GPR108: variants seen among roughly 807,000 people sequenced by gnomAD.
GPR108 encodes the protein G protein-coupled receptor 108, also known as protein GPR108.
A neutral mutation model predicts 74.3 loss-of-function variants in GPR108; 60 were observed. That is an observed-to-expected ratio of 0.81 (90% CI 0.66 to 1.00). The LOEUF (loss-of-function observed/expected upper bound fraction) is 1.00, where lower values mean the gene tolerates loss of function less well. Among genes scored for constraint, GPR108 ranks in the 50% least tolerant of loss-of-function variants. The probability of loss-of-function intolerance (pLI) is 0.00; values close to 1 mark genes in which losing one functional copy is unlikely to be tolerated. For missense variants in GPR108, 667 were observed against 703.3 expected (o/e 0.95, Z 0.58); for synonymous variants, 311 against 292.4 (o/e 1.06, Z -0.65).
intron 10 of GPR108, 84 bp from the exon 11 acceptor site, chr19:6,732,633 C>T: frequency 9.6e-7 from 1 of 1,041,636 alleles, no homozygotes; most frequent in Admixed American, 1.9e-5. Flanking sequence ...GGAACACGGA[C>T]CGTCACCATC....
In GPR108 at chr19:6,731,492, A is replaced by T. The variant is rs776923442; in HGVS notation, c.1331T>A (p.Phe444Tyr). The change falls in exon 15 of 18, where the codon TTC (phenylalanine) becomes TAC (tyrosine). Residue 444 changes from phenylalanine (F) to tyrosine (Y), a missense_variant. By Grantham distance (22) the Phe-to-Tyr change is conservative. Coordinates refer to ENST00000264080, the MANE Select transcript of GPR108 (RefSeq NM_001080452.2). ...TCCTACCATGACATAGTAATGCCGG[A>T]ACAGCTTCAGCTTGGCCAGGTTCAC... ...VAVNLAKLKL[F>Y]RHYYVMVICY... 1 of 1,522,610 alleles carries T rather than the reference A, an allele frequency of 6.6e-7. No homozygotes were observed. Among genetic ancestry groups the T allele is most frequent in the East Asian group, 2.4e-5 (1 of 42,172 alleles). The allele number at this position is 1,522,610 out of a possible 1,614,324, so 94.3% of individuals were successfully genotyped here. A position where few individuals can be genotyped will look rare whatever the true frequency, so the allele number is the denominator to read the frequency against.
At chr19:6,731,167 G>A (rs762306157) in intron 16 of GPR108, 32 bp downstream of exon 16, 67 of 1,606,432 alleles carry the variant, frequency 4.2e-5, no homozygotes, top group Middle Eastern at 3.3e-4. Flanking sequence ...CACCGTGGCC[G>A]CCCTCCCGTC....
chr19:6,737,446 G>C lies in GPR108; in HGVS notation c.120+11C>G. The C allele has an allele frequency of 6.3e-7, 1 of 1,586,274 alleles. No individual in the cohort carries two copies. The highest frequency in any genetic ancestry group is 8.5e-7 in the Non-Finnish European group (1 of 1,174,878). ...GCCACCGACCCCAGACCCTCGCGCG[G>C]CGGGCCTCACCGTCAGCGCCAGCTG... On this transcript the variant is annotated intron_variant, in intron 1 of 17. Transcript: ENST00000264080.
At position 6,734,183 on chromosome 19, in the gene GPR108, C is replaced by T. The variant is rs762518721; in HGVS notation, c.499G>A (p.Gly167Arg). 4.6e-5 allele frequency: 74 copies of T among 1,614,084 alleles called. No individual in the cohort carries two copies. Among genetic ancestry groups the T allele is most frequent in the African/African-American group, 5.3e-5 (4 of 74,940 alleles). ...QATVPRKVDG[G>R]GTSAASKPKS... ...CGTCTGCACAGCCAGCCTGACTCAC[C>T]GCCATCCACCTTGCGGGGGACTGTG... The change falls in exon 5 of 18, where the codon GGA becomes AGA. Residue 167 changes from glycine to arginine, a missense_variant and splice_region_variant. Physicochemically the swap from Gly to Arg is moderately radical, Grantham distance 125. Coordinates refer to ENST00000264080, the MANE Select transcript of GPR108 (RefSeq NM_001080452.2).
chr19:6,730,608 C>T, intron 17 of GPR108: 1 of 585,334 alleles, frequency 1.7e-6, no homozygotes, highest in Non-Finnish European at 3.0e-6. Flanking sequence ...GCAGCCCTGG[C>T]CCCACCCACT....
chr19:6,731,950 G>A lies in GPR108; in HGVS notation c.1257-16C>T, dbSNP rs1968424445. The A allele has an allele frequency of 6.2e-7, 1 of 1,613,208 alleles. No individual in the cohort carries two copies. Among genetic ancestry groups the A allele is most frequent in the Non-Finnish European group, 8.5e-7 (1 of 1,179,862 alleles). On this transcript the variant is annotated splice_polypyrimidine_tract_variant and intron_variant, in intron 13 of 17. Coordinates refer to ENST00000264080, the MANE Select transcript of GPR108 (RefSeq NM_001080452.2). ...CCGGATGGACCTGGGACAAGTGGAGGACACAGGGTACGGTCAGCGCGGACA... is the reference window on the plus strand; with the variant it reads ...CCGGATGGACCTGGGACAAGTGGAGAACACAGGGTACGGTCAGCGCGGACA...
chr19:6,730,899 C>T (rs1968366383), intron 17 of GPR108, 88 bp downstream of exon 17: 2 of 1,167,708 alleles, frequency 1.7e-6, no homozygotes, highest in Non-Finnish European at 2.4e-6. Context: ...TGCTACAGTC[C>T]CTCCCCCCTG....
At chr19:6,732,897 C>G in intron 10 of GPR108, 90 bp downstream of exon 10, 1 of 1,217,866 alleles carries the variant, frequency 8.2e-7, no homozygotes, top group African/African-American at 1.5e-5. Flanking sequence ...GATGGCCCTC[C>G]CACAGGCCCA....
At chr19:6,733,737 G>A in intron 7 of GPR108, 63 bp from the exon 8 acceptor site, 2 of 1,581,732 alleles carry the variant, frequency 1.3e-6, no homozygotes, top group Admixed American at 1.7e-5. Context: ...GCGACAATCA[G>A]CTTGGGGGTC....
Position 6,731,051 on chromosome 19 carries a change from T to G in GPR108, c.1495A>C (p.Thr499Pro). ...FVLTGYKFQPTGNNPYLQLPQ... is the reference protein window; with the variant it reads ...FVLTGYKFQPPGNNPYLQLPQ... ...AGCTGCAGGTACGGGTTGTTTCCTG[T>G]GGGCTGGAACTTGTAGCCCGTGAGC... Residue 499 changes from threonine (T) to proline (P), a missense_variant, in exon 17 of 18, where the codon ACA (threonine) becomes CCA (proline). Transcript: ENST00000264080. The G allele has an allele frequency of 6.2e-7, 1 of 1,613,688 alleles. No individual in the cohort carries two copies. The highest frequency in any genetic ancestry group is 8.5e-7 in the Non-Finnish European group (1 of 1,179,862).
chr19:6,732,016 G>A lies in GPR108; in HGVS notation c.1256+9C>T. 10 of 1,613,808 alleles carry A rather than the reference G, an allele frequency of 6.2e-6. No individual in the cohort carries two copies. The highest frequency in any genetic ancestry group is 8.5e-6 in the Non-Finnish European group (10 of 1,179,966). ...GGGCAGAGCCTCAGCCCGGGGGCAGGGTCCTCACCAGACTACGGGGAACAG... is the reference window on the plus strand; with the variant it reads ...GGGCAGAGCCTCAGCCCGGGGGCAGAGTCCTCACCAGACTACGGGGAACAG... On this transcript the variant is annotated intron_variant, in intron 13 of 17. Transcript: ENST00000264080.
rs779871680 is a variant in GPR108 at position 6,730,315 on chromosome 19, T to A, written c.1629A>T (p.Leu543Phe). The A allele has an allele frequency of 2.5e-6, 4 of 1,613,672 alleles. No homozygotes were observed. Among genetic ancestry groups the A allele is most frequent in the Middle Eastern group, 3.3e-4 (2 of 6,036 alleles). Residue 543 changes from leucine to phenylalanine, a missense_variant, in exon 18 of 18, where the codon TTA becomes TTT. Physicochemically the swap from Leu to Phe is conservative, Grantham distance 22. Transcript: ENST00000264080. The part of the protein sequence containing the change: ...VNKTASGREL[L>F] The stretch of plus-strand genomic sequence containing the variant: ...TTGGTCTGAGATGTGGAGGTGATCA[T>A]AACAGTTCCCGCCCGCTGGCTGTTT...
intron 17 of GPR108, 73 bp downstream of exon 17, chr19:6,730,914 C>A: frequency 1.6e-6 from 2 of 1,253,938 alleles, no homozygotes; most frequent in East Asian, 2.7e-5. Flanking sequence ...CCCCTGCCCA[C>A]CCTGCCCGTA....
chr19:6,736,580 A>G lies in GPR108; in HGVS notation c.240+12T>C. 1 of 1,611,854 alleles carries G rather than the reference A, an allele frequency of 6.2e-7. No individual in the cohort carries two copies. The highest frequency in any genetic ancestry group is 8.5e-7 in the Non-Finnish European group (1 of 1,179,040). ...CGTGCTCTCCTCCAGCAAACTCCTC[A>G]AGGTCCCTCACCAGCAGGGACTTCT... On this transcript the variant is annotated intron_variant, in intron 2 of 17. Transcript: ENST00000264080.
Position 6,733,588 on chromosome 19 carries a change from C to T in GPR108, c.705G>A (p.Glu235=). 1 of 1,614,116 alleles carries T rather than the reference C, an allele frequency of 6.2e-7. No individual in the cohort carries two copies. Among genetic ancestry groups the T allele is most frequent in the African/African-American group, 1.3e-5 (1 of 75,062 alleles). ...CGCTCACCGTGATGTCGAATGGATG[C>T]TCCTTTCCTGGCACTGAATTGTTGC... ...HNCNNSVPGK[E]HPFDITVMIR... Residue 235 remains glutamate (E), a synonymous_variant, in exon 8 of 18, where the codon GAG becomes GAA. Transcript: ENST00000264080.
chr19:6,735,764 C>G (rs1242007713), intron 3 of GPR108, 60 bp from the exon 4 acceptor site: 7 of 1,567,508 alleles, frequency 4.5e-6, no homozygotes, highest in Admixed American at 1.7e-5. Flanking sequence ...CAGCTCCACC[C>G]TGTCTCCCTC....
At chr19:6,735,446 C>A in intron 4 of GPR108, 176 bp downstream of exon 4, 1 of 602,706 alleles carries the variant, frequency 1.7e-6, no homozygotes, top group Non-Finnish European at 3.0e-6. Context: ...ACACCAACAC[C>A]CGCGGAGTCC....
At chr19:6,731,775 A>G (rs1888879569) in intron 14 of GPR108, 116 bp downstream of exon 14, 1 of 1,200,214 alleles carries the variant, frequency 8.3e-7, no homozygotes. Context: ...GCATCCAGGG[A>G]GGCAGAGGCC....
At chr19:6,736,085 G>C in intron 2 of GPR108, 127 bp from the exon 3 acceptor site, 1 of 807,322 alleles carries the variant, frequency 1.2e-6, no homozygotes, top group Non-Finnish European at 1.9e-6. Context: ...GATCCCACAC[G>C]CTCTTTTTCT....
Sources: gnomAD v4.1 joint callset for allele counts on GRCh38, gnomAD v4.1.1 for gene constraint, MANE v1.5 for transcripts, NCBI Gene and HGNC (gene_info 2026-07-23, HGNC 2026-07-21) for gene names.